Variants in EP400 observed in about 807,000 individuals in gnomAD.
The protein encoded by EP400 is E1A binding protein p400.
In EP400, 105 loss-of-function variants were observed where a neutral mutation model predicts 354.1. The ratio of observed to expected loss-of-function variants is 0.30; its 90% CI spans 0.25 to 0.35. The LOEUF (loss-of-function observed/expected upper bound fraction) is 0.35. Ranked by LOEUF, EP400 falls within the 10% of genes least tolerant of loss-of-function variation. The pLI is 1.00. For missense variants in EP400, 3,280 were observed against 4,121.0 expected (o/e 0.80, Z 5.59); for synonymous variants, 1,646 against 1,716.9 (o/e 0.96, Z 1.02).
At chr12:132,021,449 C>T in intron 23 of EP400, 128 bp downstream of exon 23, 3 of 1,326,698 alleles carry the variant, frequency 2.3e-6, no homozygotes, top group Non-Finnish European at 3.0e-6. Flanking sequence ...ATGCCCGGTG[C>T]TGCCTCTCAC....
Position 132,017,853 on chromosome 12 carries a change from G to A in EP400, c.4110+132G>A, listed in dbSNP as rs915306506. ...TGCAATTGCAGCTCCGCGATACATG[G>A]CACCGTCTAGCAGCACTGATGGCCT... On this transcript the variant is annotated intron_variant, in intron 20 of 52. Transcript: ENST00000389561. This position sits in a 1 kb window ranked among gnomAD's most constrained non-coding sequence, Gnocchi z 5.0. 2.9e-6 allele frequency: 3 copies of A among 1,024,334 alleles called. No individual in the cohort carries two copies. Among genetic ancestry groups the A allele is most frequent in the Admixed American group, 3.2e-5 (1 of 30,958 alleles). 63.5% of individuals were successfully genotyped at this position (1,024,334 alleles called of 1,614,324 possible).
At position 132,013,706 on chromosome 12, in the gene EP400, C is replaced by A; in HGVS notation, c.3786+42C>A. The stretch of plus-strand genomic sequence containing the variant: ...CATTTCAGTTAATTAATTAAACATG[C>A]GTATGCCTTGTTATAAACGTGTTAC... On this transcript the variant is annotated intron_variant, in intron 18 of 52. Coordinates refer to ENST00000389561, the MANE Select transcript of EP400 (RefSeq NM_015409.5). This position sits in a 1 kb window ranked among gnomAD's most constrained non-coding sequence, Gnocchi z 4.5. 6.2e-7 allele frequency: 1 copy of A among 1,607,910 alleles called. No individual in the cohort carries two copies. Among genetic ancestry groups the A allele is most frequent in the Non-Finnish European group, 8.5e-7 (1 of 1,176,422 alleles).
At chr12:132,006,910 A>G (rs1396160641) in intron 15 of EP400, 33 bp downstream of exon 15, 4 of 1,612,218 alleles carry the variant, frequency 2.5e-6, no homozygotes, top group Non-Finnish European at 3.4e-6. Flanking sequence ...AACAATACCT[A>G]TTTGCTAGGA....
rs1212629652 is a variant in EP400 at position 131,994,800 on chromosome 12, T to C, written c.2738-67T>C. 3 of 1,356,788 alleles carry C rather than the reference T, an allele frequency of 2.2e-6. No individual in the cohort carries two copies. Among genetic ancestry groups the C allele is most frequent in the Non-Finnish European group, 3.1e-6 (3 of 956,380 alleles). The allele number at this position is 1,356,788 out of a possible 1,614,324, so 84.0% of individuals were successfully genotyped here. On this transcript the variant is annotated intron_variant, in intron 11 of 52. Transcript: ENST00000389561. This position sits in a 1 kb window ranked among gnomAD's most constrained non-coding sequence, Gnocchi z 4.6. Reference sequence around the variant, plus strand: ...GCAAAATAATTTCGAAGCCTTATAGTGTGTAATGAGTAACAGACACTCAAG... The same window carrying C: ...GCAAAATAATTTCGAAGCCTTATAGCGTGTAATGAGTAACAGACACTCAAG...
chr12:131,996,556 G>T lies in EP400; in HGVS notation c.2827+1600G>T, dbSNP rs542725082. On this transcript the variant is annotated intron_variant, in intron 12 of 52. Transcript: ENST00000389561. ...TCCACCCGCCTCAGCCTCCCGAAGT[G>T]CTGGGATTACAGGCTTGAGCCACCG... Among the ~76,000 whole-genome samples the T allele has an allele frequency of 2.0e-5, 3 of 152,278 alleles. No homozygotes were observed. The East Asian group carries it at 5.8e-4, about 29-fold the overall frequency.
rs746004172 is a variant in EP400, at chr12:132,020,095, G to C, written c.4324G>C (p.Val1442Leu). ...QYGQKPEGRT[V>L]AFPSTHPPRT... ...TGGCCAGAAGCCCGAGGGTCGCACC[G>C]TGGCTTTCCCCAGCACTCACCCGCC... The change falls in exon 22 of 53, where the codon GTG becomes CTG. Residue 1442 changes from valine to leucine, a missense_variant. Coordinates refer to ENST00000389561, the MANE Select transcript of EP400 (RefSeq NM_015409.5). 2 of 1,602,402 alleles carry C rather than the reference G, an allele frequency of 1.2e-6. No homozygotes were observed. Among genetic ancestry groups the C allele is most frequent in the South Asian group, 1.1e-5 (1 of 89,188 alleles).
intron 19 of EP400, among the ~76,000 whole-genome samples, chr12:132,016,688 G>A (rs983393817): frequency 1.3e-5 from 2 of 152,176 alleles, no homozygotes; most frequent in African/African-American, 2.4e-5. Flanking sequence ...GGGTTCTGTG[G>A]TGCGTACTGC....
chr12:131,982,768 G>A (rs983086088), intron 5 of EP400, among the ~76,000 whole-genome samples: 1 of 152,006 alleles, frequency 6.6e-6, no homozygotes, highest in African/African-American at 2.4e-5. Flanking sequence ...TCAGGAGTTC[G>A]AGACCAACCT....
chr12:132,055,117 T>A lies in EP400; in HGVS notation c.7793T>A (p.Val2598Glu). ...TCCGCAGGTGCCGTGAGTGGAAATGTGATCGTGAACACCATCGCAGGGGTC... is the reference window on the plus strand; with the variant it reads ...TCCGCAGGTGCCGTGAGTGGAAATGAGATCGTGAACACCATCGCAGGGGTC... ...SMPTGAVSGN[V>E]IVNTIAGVPA... The change falls in exon 45 of 53, where the codon GTG becomes GAG. Residue 2598 changes from valine to glutamate, a missense_variant. Val to Glu is a moderately radical substitution (Grantham distance 121). Around this residue, in one of 20 missense-constraint regions of EP400, gnomAD observed 255 missense variants for 295.9 expected, o/e 0.86. Coordinates refer to ENST00000389561, the MANE Select transcript of EP400 (RefSeq NM_015409.5). 6.2e-7 allele frequency: 1 copy of A among 1,613,674 alleles called. No individual in the cohort carries two copies. Among genetic ancestry groups the A allele is most frequent in the Non-Finnish European group, 8.5e-7 (1 of 1,179,758 alleles).
In EP400 at chr12:132,018,223, C is replaced by G; in HGVS notation, c.4124C>G (p.Ser1375Cys). 2.5e-6 allele frequency: 4 copies of G among 1,610,818 alleles called. No individual in the cohort carries two copies. The highest frequency in any genetic ancestry group is 3.4e-6 in the Non-Finnish European group (4 of 1,179,264). ...TTTTCTCTCTAGGAAGCAGATCTTT[C>G]TATGTTTGATCTCATCGGCTTAGAA... ...ERDFWKEADL[S>C]MFDLIGLENK... Residue 1375 changes from serine (S) to cysteine (C), a missense_variant, in exon 21 of 53, where the codon TCT becomes TGT. Coordinates refer to ENST00000389561, the MANE Select transcript of EP400 (RefSeq NM_015409.5). The surrounding 1 kb of genome is among the most constrained non-coding windows in gnomAD (Gnocchi z 4.0).
Position 132,002,765 on chromosome 12 carries a change from A to G in EP400, c.2828-2312A>G, listed in dbSNP as rs936161508. Among the ~76,000 whole-genome samples, 3 of 152,314 alleles carry G rather than the reference A, an allele frequency of 2.0e-5. No homozygotes were observed. In the East Asian group the frequency reaches 5.8e-4, roughly 29 times the overall value. ...ATATGGTGGTCACACCGGTCAGGCCAGGTCAGTGTGGGAGAGACCAGGAGT... is the reference window on the plus strand; with the variant it reads ...ATATGGTGGTCACACCGGTCAGGCCGGGTCAGTGTGGGAGAGACCAGGAGT... On this transcript the variant is annotated intron_variant, in intron 12 of 52. Coordinates refer to ENST00000389561, the MANE Select transcript of EP400 (RefSeq NM_015409.5).
At chr12:131,995,679 A>G (rs889402972) in intron 12 of EP400, among the ~76,000 whole-genome samples, 2 of 148,786 alleles carry the variant, frequency 1.3e-5, no homozygotes, top group Non-Finnish European at 3.0e-5. Context: ...CTTCACGTGA[A>G]TGAATCCACC....
At chr12:131,979,495 C>T (rs1892605598) in intron 2 of EP400, among the ~76,000 whole-genome samples, 199 bp from the exon 3 acceptor site, 1 of 151,998 alleles carries the variant, frequency 6.6e-6, no homozygotes, top group Non-Finnish European at 1.5e-5. Context: ...CTTTTTTCCC[C>T]CAGAGGTAAG....
chr12:131,955,387 A>C (rs933599295), intron 1 of EP400, among the ~76,000 whole-genome samples: 1 of 151,892 alleles, frequency 6.6e-6, no homozygotes, highest in African/African-American at 2.4e-5. Flanking sequence ...GGTTCAAGCA[A>C]TTCTCTTGCC....
At chr12:132,028,339 C>A in intron 27 of EP400, 51 bp downstream of exon 27, 1 of 1,590,274 alleles carries the variant, frequency 6.3e-7, no homozygotes, top group Non-Finnish European at 8.6e-7. Flanking sequence ...CATTGCACCC[C>A]GGCAAGACCC....
intron 30 of EP400, among the ~76,000 whole-genome samples, chr12:132,032,913 G>C (rs772590119): frequency 6.6e-6 from 1 of 152,080 alleles, no homozygotes; most frequent in Non-Finnish European, 1.5e-5. Flanking sequence ...ACAGGCATGA[G>C]CCACTGTGCC....
rs145099527 is a variant in EP400 at position 132,054,913 on chromosome 12, G to C, written c.7729-61G>C. On this transcript the variant is annotated intron_variant, in intron 43 of 52. Transcript: ENST00000389561. The surrounding 1 kb of genome is among the most constrained non-coding windows in gnomAD (Gnocchi z 4.0). Reference sequence around the variant, plus strand: ...ATTCTGAATGAAGTGGAAGCCTTTGGAGGATTTATGCAGGGGAGAGCCTGA... The same window carrying C: ...ATTCTGAATGAAGTGGAAGCCTTTGCAGGATTTATGCAGGGGAGAGCCTGA... The C allele has an allele frequency of 9.6e-3, 14,713 of 1,540,488 alleles. 436 individuals are homozygous for C. Among genetic ancestry groups the C allele is most frequent in the South Asian group, 0.081 (7,244 of 88,984 alleles).
Position 132,017,630 on chromosome 12 carries a change from C to T in EP400, c.4019C>T (p.Pro1340Leu), listed in dbSNP as rs1431518969. 1 of 1,609,924 alleles carries T rather than the reference C, an allele frequency of 6.2e-7. No individual in the cohort carries two copies. The highest frequency in any genetic ancestry group is 8.5e-7 in the Non-Finnish European group (1 of 1,177,682). ...TGCAACCACCCTGGGCTCGTCGAGC[C>T]CCGGCACCCAGGCTCTTCCTACGTG... ...RICNHPGLVE[P>L]RHPGSSYVAG... is the part of the protein sequence containing the mutation. The change falls in exon 20 of 53, where the codon CCC (proline) becomes CTC (leucine). Residue 1340 changes from proline to leucine, a missense_variant. Physicochemically the swap from Pro to Leu is moderately conservative, Grantham distance 98. Transcript: ENST00000389561. The surrounding 1 kb of genome is among the most constrained non-coding windows in gnomAD (Gnocchi z 5.0).
rs1895401035 is a variant in EP400 at position 132,054,080 on chromosome 12, A to AGGGTGCGG, written c.7728+484_7728+491dup. Among the ~76,000 whole-genome samples the AGGGTGCGG allele has an allele frequency of 6.6e-6, 1 of 152,226 alleles. No homozygotes were observed. The highest frequency in any genetic ancestry group is 2.1e-4 in the South Asian group (1 of 4,834). The stretch of plus-strand genomic sequence containing the variant: ...CAAGAAGCATTGTGAAAAGAAAGGC[A>AGGGTGCGG]GGGTGCGGAGCTGCGGACTGTGGCC... On this transcript the variant is annotated intron_variant, in intron 43 of 52. Coordinates refer to ENST00000389561, the MANE Select transcript of EP400 (RefSeq NM_015409.5). The surrounding 1 kb of genome is among the most constrained non-coding windows in gnomAD (Gnocchi z 4.0).
Sources: allele counts gnomAD v4.1 joint callset (sites outside exome capture counted in the v4.1 genomes callset), GRCh38; gene constraint gnomAD v4.1.1; regional missense constraint gnomAD v4.1.1; non-coding constraint Gnocchi (gnomAD v3.1); transcripts MANE v1.5; gene names NCBI Gene and HGNC (gene_info 2026-07-23, HGNC 2026-07-21).